UBE2N: variants seen among roughly 807,000 people sequenced by gnomAD.
UBE2N encodes the protein ubiquitin-conjugating enzyme E2 N.
For synonymous variants in UBE2N, 70 were observed against 69.2 expected, an observed-to-expected ratio of 1.01 and a Z score of -0.06; for missense variants, 60 against 192.1, an observed-to-expected ratio of 0.31 and a Z score of 4.07.
Position 93,407,330 on chromosome 12 carries a change from T to G in UBE2N, c.*2709A>C, listed in dbSNP as rs1016359703. The G allele has an allele frequency of 6.6e-6, 1 of 152,188 alleles. No homozygotes were observed. Among genetic ancestry groups the G allele is most frequent in the Admixed American group, 6.5e-5 (1 of 15,272 alleles). 9.4% of individuals were successfully genotyped at this position (152,188 alleles called of 1,614,324 possible). A position where few individuals can be genotyped will look rare whatever the true frequency, so the allele number is the denominator to read the frequency against. ...ACTATTTGTCTGTCCCCCTTCCCCA[T>G]TAGAGTATATGGTCCCCAAAGGAAA... On this transcript the variant is annotated 3_prime_UTR_variant, in exon 4 of 4. Coordinates refer to ENST00000318066, the MANE Select transcript of UBE2N (RefSeq NM_003348.4).
At chr12:93,439,667 T>A (rs1042606383) in intron 1 of UBE2N, among the ~76,000 whole-genome samples, 1 of 152,124 alleles carries the variant, frequency 6.6e-6, no homozygotes, top group South Asian at 2.1e-4. Context: ...TGATTTTTTT[T>A]AAAGCATTGT....
intron 1 of UBE2N, among the ~76,000 whole-genome samples, chr12:93,437,545 C>G (rs1592752244): frequency 6.6e-6 from 1 of 152,228 alleles, no homozygotes; most frequent in African/African-American, 2.4e-5. Flanking sequence ...ACCTGTAATC[C>G]TAGCACTTTG....
intron 1 of UBE2N, among the ~76,000 whole-genome samples, chr12:93,414,448 CAAAAAAAA>C (rs398020640): frequency 1.4e-5 from 1 of 73,988 alleles, no homozygotes; most frequent in Admixed American, 1.5e-4. Context: ...AGCTCCGTCT[CAAAAAAAA>C]AAAAAAAAAA....
In UBE2N at chr12:93,407,341, G is replaced by A. The variant is rs1253245338; in HGVS notation, c.*2698C>T. On this transcript the variant is annotated 3_prime_UTR_variant, in exon 4 of 4. Coordinates refer to ENST00000318066, the MANE Select transcript of UBE2N (RefSeq NM_003348.4). ...GTCCCCCTTCCCCATTAGAGTATAT[G>A]GTCCCCAAAGGAAAGCCCCATGCCA... 6.6e-6 allele frequency: 1 copy of A among 152,170 alleles called. No homozygotes were observed. The highest frequency in any genetic ancestry group is 2.1e-4 in the South Asian group (1 of 4,830). 9.4% of individuals were successfully genotyped at this position (152,170 alleles called of 1,614,324 possible). A position where few individuals can be genotyped will look rare whatever the true frequency, so the allele number is the denominator to read the frequency against.
intron 1 of UBE2N, among the ~76,000 whole-genome samples, chr12:93,430,519 A>G (rs1052808870): frequency 3.3e-5 from 5 of 152,062 alleles, no homozygotes; most frequent in African/African-American, 1.2e-4. Flanking sequence ...TCCAGACCAG[A>G]GGCATTCCAT....
intron 1 of UBE2N, among the ~76,000 whole-genome samples, chr12:93,422,425 A>G (rs1878443433): frequency 6.6e-6 from 1 of 152,240 alleles, no homozygotes; most frequent in South Asian, 2.1e-4. Flanking sequence ...CAGAATGCTG[A>G]ATGAAAAGAA....
At chr12:93,422,048 T>C (rs1256445828) in intron 1 of UBE2N, among the ~76,000 whole-genome samples, 1 of 152,098 alleles carries the variant, frequency 6.6e-6, no homozygotes, top group African/African-American at 2.4e-5. Context: ...TAAAGACATT[T>C]TTAAAGTTTT....
At chr12:93,427,582 T>C (rs1302041083) in intron 1 of UBE2N, among the ~76,000 whole-genome samples, 2 of 152,182 alleles carry the variant, frequency 1.3e-5, no homozygotes, top group South Asian at 2.1e-4. Flanking sequence ...AGATAAATGG[T>C]TGCCAGGGGT....
chr12:93,439,442 G>A (rs946505128), intron 1 of UBE2N, among the ~76,000 whole-genome samples: 1 of 152,178 alleles, frequency 6.6e-6, no homozygotes, highest in African/African-American at 2.4e-5. Context: ...TCCTGCCACT[G>A]CACTGCAGCC....
chr12:93,426,456 G>A (rs1454893486), intron 1 of UBE2N, among the ~76,000 whole-genome samples: 1 of 149,272 alleles, frequency 6.7e-6, no homozygotes, highest in Admixed American at 6.6e-5. Context: ...TTTGAATAGT[G>A]TAAGTAAACA....
rs1014716368 is a variant in UBE2N at position 93,406,354 on chromosome 12, C to G, written c.*3685G>C. The G allele has an allele frequency of 6.8e-6, 1 of 147,710 alleles. No individual in the cohort carries two copies. Among genetic ancestry groups the G allele is most frequent in the African/African-American group, 2.5e-5 (1 of 39,926 alleles). The allele number at this position is 147,710 out of a possible 1,614,324, so 9.1% of individuals were successfully genotyped here. ...AAATGAGGCCTATTCCTATCATTTC[C>G]TCGATCCAATTTAGTTCCACTTAGG... On this transcript the variant is annotated 3_prime_UTR_variant, in exon 4 of 4. Transcript: ENST00000318066.
intron 1 of UBE2N, among the ~76,000 whole-genome samples, chr12:93,417,331 TGACA>T (rs1320787142): frequency 6.6e-6 from 1 of 152,228 alleles, no homozygotes; most frequent in Non-Finnish European, 1.5e-5. Flanking sequence ...TTATAACAAC[TGACA>T]TTCTGTCAAC....
intron 1 of UBE2N, among the ~76,000 whole-genome samples, chr12:93,426,144 G>C (rs1411597504): frequency 1.3e-5 from 2 of 152,032 alleles, no homozygotes; most frequent in Non-Finnish European, 2.9e-5. Context: ...GCACTACTAA[G>C]CCAGAAGAGG....
intron 1 of UBE2N, among the ~76,000 whole-genome samples, chr12:93,419,733 T>C (rs1320595510): frequency 2.0e-5 from 3 of 152,228 alleles, no homozygotes; most frequent in African/African-American, 7.2e-5. Flanking sequence ...TTACATTATA[T>C]GATCACTCCT....
At chr12:93,430,178 A>G (rs184396927) in intron 1 of UBE2N, among the ~76,000 whole-genome samples, 176 of 152,348 alleles carry the variant, frequency 1.2e-3, no homozygotes, top group Non-Finnish European at 1.3e-3. Context: ...TGATACACAC[A>G]TACTTACCAC....
At chr12:93,432,000 G>A (rs913827115) in intron 1 of UBE2N, among the ~76,000 whole-genome samples, 1 of 152,188 alleles carries the variant, frequency 6.6e-6, no homozygotes, top group Admixed American at 6.5e-5. Flanking sequence ...CTGGGAGGCT[G>A]AGGCGGGCGG....
rs1565790928 is a variant in UBE2N, at chr12:93,409,419, CA to C, written c.*619del. The C allele has an allele frequency of 1.2e-5, 2 of 166,850 alleles. No homozygotes were observed. Among genetic ancestry groups the C allele is most frequent in the African/African-American group, 2.4e-5 (1 of 41,424 alleles). The allele number at this position is 166,850 out of a possible 1,614,324, so 10.3% of individuals were successfully genotyped here. A position where few individuals can be genotyped will look rare whatever the true frequency, so the allele number is the denominator to read the frequency against. ...TACAGAAGTTTCCAGACAAGCCATA[CA>C]AAATGGTCACAAGCTTTTTTTGAAG... On this transcript the variant is annotated 3_prime_UTR_variant, in exon 4 of 4. Coordinates refer to ENST00000318066, the MANE Select transcript of UBE2N (RefSeq NM_003348.4).
At chr12:93,437,460 A>G (rs984486346) in intron 1 of UBE2N, among the ~76,000 whole-genome samples, 2 of 152,204 alleles carry the variant, frequency 1.3e-5, no homozygotes, top group African/African-American at 2.4e-5. Context: ...CCTAACTTAT[A>G]GCAGAAAGTT....
In UBE2N at chr12:93,437,609, C is replaced by A. The variant is rs564342543; in HGVS notation, c.30+4246G>T. 2.0e-5 allele frequency among the ~76,000 whole-genome samples: 3 copies of A among 152,236 alleles called. No individual in the cohort carries two copies. In the South Asian group the frequency reaches 6.2e-4, roughly 32 times the overall value. The stretch of plus-strand genomic sequence containing the variant: ...AAGAGGAGTTTGAGACCAGCATGGC[C>A]AACATGGTGAAACCCCATCTCTACT... On this transcript the variant is annotated intron_variant, in intron 1 of 3. Coordinates refer to ENST00000318066, the MANE Select transcript of UBE2N (RefSeq NM_003348.4).
Sources: gnomAD v4.1 joint callset for allele counts (sites outside exome capture counted in the v4.1 genomes callset) on GRCh38, gnomAD v4.1.1 for gene constraint, MANE v1.5 for transcripts, NCBI Gene and HGNC (gene_info 2026-07-23, HGNC 2026-07-21) for gene names.